Variants in KLHL29 observed in about 807,000 individuals in gnomAD.
The protein encoded by KLHL29 is kelch like family member 29.
A neutral mutation model predicts 80.4 loss-of-function variants in KLHL29; 21 were observed. The observed-to-expected ratio is 0.26, with a 90% CI of 0.19 to 0.38. The LOEUF (loss-of-function observed/expected upper bound fraction) is 0.38. Among genes scored for constraint, KLHL29 ranks in the 10% least tolerant of loss-of-function variants. The pLI, the probability that KLHL29 is intolerant of heterozygous loss-of-function variation, is 1.00. For synonymous variants in KLHL29, 511 were observed against 526.8 expected (o/e 0.97, Z 0.41); for missense variants, 867 against 1,223.9 (o/e 0.71, Z 4.35).
At chr2:23,420,079 C>T (rs1294998348) in intron 1 of KLHL29, among the ~76,000 whole-genome samples, 4 of 152,176 alleles carry the variant, frequency 2.6e-5, no homozygotes, top group Admixed American at 2.0e-4. Flanking sequence ...GTGGCCGGCA[C>T]GGGGGGTCCT....
intron 3 of KLHL29, among the ~76,000 whole-genome samples, chr2:23,614,425 T>C (rs1195085339): frequency 6.6e-6 from 1 of 152,100 alleles, no homozygotes; most frequent in African/African-American, 2.4e-5. Flanking sequence ...AGGCAAAAAT[T>C]GACAGAACTA....
chr2:23,633,578 A>T (rs1669525170), intron 3 of KLHL29, among the ~76,000 whole-genome samples: 2 of 152,018 alleles, frequency 1.3e-5, no homozygotes, highest in Non-Finnish European at 2.9e-5. Context: ...GAGCTTGGCT[A>T]GACAGTTCTG....
rs1348687186 is a variant in KLHL29 at position 23,687,617 on chromosome 2, CAG to C, written c.1079+3084_1079+3085del. On this transcript the variant is annotated intron_variant, in intron 6 of 13. Coordinates refer to ENST00000486442, the MANE Select transcript of KLHL29 (RefSeq NM_052920.2). Reference sequence around the variant, plus strand: ...AAGGAGACGAGCAGAGACGATGCTTCAGAGACTTGTGGTCCAAGGGCCTGGCT... The same window carrying C: ...AAGGAGACGAGCAGAGACGATGCTTCAGACTTGTGGTCCAAGGGCCTGGCT... Among the ~76,000 whole-genome samples the C allele has an allele frequency of 8.5e-5, 13 of 152,312 alleles. No individual in the cohort carries two copies. In the East Asian group the frequency reaches 2.3e-3, roughly 27 times the overall value.
intron 2 of KLHL29, among the ~76,000 whole-genome samples, chr2:23,536,417 G>A (rs779316656): frequency 2.0e-5 from 3 of 152,210 alleles, no homozygotes; most frequent in African/African-American, 4.8e-5. Flanking sequence ...AATGATACCC[G>A]GGTACTTGTC....
intron 3 of KLHL29, among the ~76,000 whole-genome samples, chr2:23,592,905 CTT>C (rs1389770903): frequency 6.6e-6 from 1 of 152,208 alleles, no homozygotes; most frequent in Non-Finnish European, 1.5e-5. Context: ...AAAAGCCTCT[CTT>C]GAGAGATTTC....
intron 1 of KLHL29, among the ~76,000 whole-genome samples, chr2:23,441,898 C>T (rs867553007): frequency 1.1e-4 from 16 of 152,308 alleles, no homozygotes; most frequent in South Asian, 2.1e-4. Context: ...TTGGTCATAT[C>T]TCATTGGCTA....
intron 3 of KLHL29, among the ~76,000 whole-genome samples, chr2:23,576,304 CA>C (rs3086869): frequency 8.9e-4 from 117 of 131,512 alleles, no homozygotes; most frequent in Admixed American, 3.6e-3. Flanking sequence ...GACTCTATCT[CA>C]AAAAAAAAAA....
chr2:23,499,831 G>A (rs976351305), intron 2 of KLHL29, among the ~76,000 whole-genome samples: 3 of 152,260 alleles, frequency 2.0e-5, no homozygotes, highest in South Asian at 2.1e-4. Context: ...TGCTTAGGAC[G>A]CTTCAACCTT....
chr2:23,490,626 A>T (rs1665070519), intron 2 of KLHL29, among the ~76,000 whole-genome samples: 1 of 152,216 alleles, frequency 6.6e-6, no homozygotes, highest in African/African-American at 2.4e-5. Context: ...CATTGATTGG[A>T]TTTAAATAAT....
intron 3 of KLHL29, among the ~76,000 whole-genome samples, chr2:23,620,824 G>C (rs1669160147): frequency 6.6e-6 from 1 of 152,188 alleles, no homozygotes; most frequent in Non-Finnish European, 1.5e-5. Flanking sequence ...AAAGAGAGAA[G>C]GCCAAGCCCG....
chr2:23,432,877 A>G (rs914052184), intron 1 of KLHL29, among the ~76,000 whole-genome samples: 2 of 152,212 alleles, frequency 1.3e-5, no homozygotes, highest in South Asian at 2.1e-4. Context: ...CAGTATGTAT[A>G]TTTCATTCCA....
chr2:23,439,585 G>A (rs1235171879), intron 1 of KLHL29, among the ~76,000 whole-genome samples: 1 of 152,104 alleles, frequency 6.6e-6, no homozygotes, highest in African/African-American at 2.4e-5. Flanking sequence ...AGTCATTCAG[G>A]AGCAGCTTGT....
chr2:23,692,816 A>G (rs1194478428), intron 7 of KLHL29, among the ~76,000 whole-genome samples: 1 of 152,130 alleles, frequency 6.6e-6, no homozygotes, highest in Non-Finnish European at 1.5e-5. Flanking sequence ...GCAGAAGCCT[A>G]TGCAAGAAGC....
chr2:23,673,400 A>C lies in KLHL29; in HGVS notation c.941-10999A>C, dbSNP rs550867284. On this transcript the variant is annotated intron_variant, in intron 5 of 13. Transcript: ENST00000486442. ...GCACACGTCCACACCACGTGCTTGC[A>C]TGTACATACACATACAGGCACGTAC... Among the ~76,000 whole-genome samples the C allele has an allele frequency of 1.4e-4, 21 of 151,324 alleles. No homozygotes were observed. The South Asian group carries it at 3.6e-3, about 26-fold the overall frequency.
intron 8 of KLHL29, among the ~76,000 whole-genome samples, chr2:23,693,873 A>G (rs1053575015): frequency 1.2e-4 from 19 of 152,178 alleles, no homozygotes; most frequent in African/African-American, 4.1e-4. Flanking sequence ...ACAGCCCGCA[A>G]TGGACCAAAT....
intron 5 of KLHL29, among the ~76,000 whole-genome samples, chr2:23,677,384 C>A (rs139422688): frequency 6.2e-4 from 95 of 152,312 alleles, no homozygotes; most frequent in African/African-American, 2.2e-3. Context: ...CCATTTGGAC[C>A]ACAGGAAAGC....
intron 1 of KLHL29, among the ~76,000 whole-genome samples, chr2:23,465,543 T>TCCCAGCAGGACAGAGCCCCAGCTGGC (rs1664325709): frequency 6.6e-6 from 1 of 152,194 alleles, no homozygotes; most frequent in Non-Finnish European, 1.5e-5. Flanking sequence ...CTCAGAGGGT[T>TCCCAGCAGGACAGAGCCCCAGCTGGC]CCCAGCAGGA....
chr2:23,644,285 A>G (rs1227542846), intron 5 of KLHL29: 1 of 149,956 alleles, frequency 6.7e-6, no homozygotes, highest in Non-Finnish European at 1.5e-5. Flanking sequence ...AAAAAAAAAA[A>G]GAAAGAAAGA....
chr2:23,665,972 C>T (rs781206275), intron 5 of KLHL29, among the ~76,000 whole-genome samples: 1 of 152,258 alleles, frequency 6.6e-6, no homozygotes, highest in Non-Finnish European at 1.5e-5. Flanking sequence ...ATGGGGGACA[C>T]TGTCCATTCT....
Sources: allele counts gnomAD v4.1 joint callset (sites outside exome capture counted in the v4.1 genomes callset), GRCh38; gene constraint gnomAD v4.1.1; transcripts MANE v1.5; gene names NCBI Gene and HGNC (gene_info 2026-07-23, HGNC 2026-07-21).